The following TBCE variants were observed in gnomAD, a reference collection of about 807,000 sequenced individuals.
The protein encoded by TBCE is tubulin folding cofactor E, also known as tubulin-specific chaperone E.
A neutral mutation model predicts 77.0 loss-of-function variants in TBCE; 53 were observed. The observed-to-expected ratio is 0.69, with a 90% CI of 0.55 to 0.87. The LOEUF is 0.87. Among genes scored for constraint, TBCE ranks in the 40% least tolerant of loss-of-function variants. The probability of loss-of-function intolerance (pLI) is 0.00; values close to 1 mark genes in which losing one functional copy is unlikely to be tolerated. For synonymous variants in TBCE, 235 were observed against 241.3 expected (o/e 0.97, Z 0.24); for missense variants, 624 against 622.4 (o/e 1.00, Z -0.03).
chr1:235,426,707 G>A (rs916254263), intron 5 of TBCE, among the ~76,000 whole-genome samples: 2 of 152,110 alleles, frequency 1.3e-5, no homozygotes, highest in Non-Finnish European at 2.9e-5. Flanking sequence ...GTGCAGTGGC[G>A]CAGTCTCCAC....
At chr1:235,441,993 G>A in intron 14 of TBCE, 111 bp downstream of exon 14, 1 of 919,684 alleles carries the variant, frequency 1.1e-6, no homozygotes, top group Non-Finnish European at 1.7e-6. Flanking sequence ...TAAATGCCTT[G>A]AGTTTTAAAT....
intron 11 of TBCE, 148 bp from the exon 12 acceptor site, chr1:235,437,174 G>T: frequency 1.1e-6 from 1 of 879,868 alleles, no homozygotes; most frequent in South Asian, 1.5e-5. Context: ...AAAGTATGTG[G>T]TCTTTCTAGA....
chr1:235,433,389 T>C (rs1456140072), intron 7 of TBCE: 2 of 184,764 alleles, frequency 1.1e-5, no homozygotes, highest in East Asian at 1.3e-4. Context: ...CCTGGCTAAT[T>C]TTTTGTATTT....
rs1682706538 is a variant in TBCE, at chr1:235,449,008, AT to A, written c.*247del. ...TATTTCATATTTATTTTTACAGCTCATCACTGCATTTCATGATAAGATTTAA... is the reference window on the plus strand; with the variant it reads ...TATTTCATATTTATTTTTACAGCTCACACTGCATTTCATGATAAGATTTAA... On this transcript the variant is annotated 3_prime_UTR_variant, in exon 17 of 17. Coordinates refer to ENST00000642610, the MANE Select transcript of TBCE (RefSeq NM_003193.5). 1 of 407,476 alleles carries A rather than the reference AT, an allele frequency of 2.5e-6. No individual in the cohort carries two copies. The highest frequency in any genetic ancestry group is 5.6e-5 in the East Asian group (1 of 17,946). 25.2% of individuals were successfully genotyped at this position (407,476 alleles called of 1,614,324 possible).
intron 6 of TBCE, 97 bp from the exon 7 acceptor site, chr1:235,430,608 C>A: frequency 2.5e-6 from 2 of 797,670 alleles, no homozygotes; most frequent in South Asian, 1.6e-5. Flanking sequence ...ACAAATCAAA[C>A]CCCTTAGATT....
intron 1 of TBCE, among the ~76,000 whole-genome samples, chr1:235,378,922 A>G (rs1472753329): frequency 6.6e-6 from 1 of 152,202 alleles, no homozygotes; most frequent in African/African-American, 2.4e-5. Context: ...GAAATTAACC[A>G]TATTTGTGCT....
chr1:235,437,599 TC>T, intron 12 of TBCE, 125 bp downstream of exon 12: 2 of 1,149,424 alleles, frequency 1.7e-6, no homozygotes, highest in Non-Finnish European at 2.5e-6. Context: ...ATCGCTGCAG[TC>T]CAGGAGTTTG....
At position 235,447,948 on chromosome 1, in the gene TBCE, T is replaced by A. The variant is rs770312218; in HGVS notation, c.1400-401T>A. Among the ~76,000 whole-genome samples, 4 of 152,200 alleles carry A rather than the reference T, an allele frequency of 2.6e-5. No individual in the cohort carries two copies. The East Asian group carries it at 7.7e-4, about 29-fold the overall frequency. ...AAGATACAGCCAGGCGCTGGGCTCA[T>A]GCTTGTAATCCCAGCACTTTGGGGG... On this transcript the variant is annotated intron_variant, in intron 15 of 16. Coordinates refer to ENST00000642610, the MANE Select transcript of TBCE (RefSeq NM_003193.5).
intron 15 of TBCE, among the ~76,000 whole-genome samples, chr1:235,446,229 G>GC (rs1049870557): frequency 3.3e-5 from 5 of 151,970 alleles, no homozygotes; most frequent in African/African-American, 1.2e-4. Flanking sequence ...AGGCTAGAGT[G>GC]CAGTGGCATG....
At chr1:235,410,517 G>GCTT (rs1236888702) in intron 3 of TBCE, among the ~76,000 whole-genome samples, 1 of 152,148 alleles carries the variant, frequency 6.6e-6, no homozygotes, top group Non-Finnish European at 1.5e-5. Context: ...GTTTTAGCCA[G>GCTT]CTTCTTTACT....
rs182005535 is a variant in TBCE at position 235,435,406 on chromosome 1, G to A, written c.738-339G>A. On this transcript the variant is annotated intron_variant, in intron 8 of 16. Coordinates refer to ENST00000642610, the MANE Select transcript of TBCE (RefSeq NM_003193.5). ...GTGAGCCACCGTGCCTGGCCTGCAG[G>A]TTTTTTAAATTAAATTTTTTTATTT... Among the ~76,000 whole-genome samples, 343 of 152,156 alleles carry A rather than the reference G, an allele frequency of 2.3e-3. 2 individuals are homozygous for A. The highest frequency in any genetic ancestry group is 7.8e-3 in the African/African-American group (323 of 41,476).
intron 2 of TBCE, among the ~76,000 whole-genome samples, chr1:235,387,243 A>G (rs1417394930): frequency 6.6e-6 from 1 of 152,160 alleles, no homozygotes; most frequent in Non-Finnish European, 1.5e-5. Context: ...CTCAGGGGTC[A>G]GGGGTCAGGG....
chr1:235,390,941 A>G (rs1052148343), intron 2 of TBCE, among the ~76,000 whole-genome samples: 2 of 152,000 alleles, frequency 1.3e-5, no homozygotes, highest in Admixed American at 1.3e-4. Context: ...GGAAGCTATC[A>G]TGTAAAGGTT....
intron 8 of TBCE, among the ~76,000 whole-genome samples, chr1:235,434,746 C>T (rs576768373): frequency 3.9e-5 from 6 of 151,936 alleles, no homozygotes; most frequent in South Asian, 2.1e-4. Flanking sequence ...CCATCTTTTA[C>T]GGGGTTTCAC....
chr1:235,436,183 C>A, intron 9 of TBCE: 1 of 620,342 alleles, frequency 1.6e-6, no homozygotes, highest in Non-Finnish European at 2.8e-6. Flanking sequence ...TACTCAAGAA[C>A]CATTAGGTGA....
chr1:235,438,128 C>A (rs1361361522), intron 12 of TBCE, among the ~76,000 whole-genome samples: 1 of 152,374 alleles, frequency 6.6e-6, no homozygotes, highest in South Asian at 2.1e-4. Context: ...CTTGCCAGCA[C>A]TTTTGTGCAT....
chr1:235,421,999 A>G (rs1010398628), intron 5 of TBCE, among the ~76,000 whole-genome samples: 3 of 152,202 alleles, frequency 2.0e-5, no homozygotes, highest in Non-Finnish European at 4.4e-5. Flanking sequence ...GACCTGTGGT[A>G]GCTGCACAGG....
chr1:235,438,791 G>A lies in TBCE; in HGVS notation c.1139G>A (p.Arg380Lys), dbSNP rs1393991210. ...KCEILPEERR[R>K]AELDYRKAFG... is the part of the protein sequence containing the mutation. ...TAGATTCTCCCCGAGGAGAGGCGGA[G>A]AGCTGAGCTTGACTACCGAAAAGCT... Residue 380 changes from arginine to lysine, a missense_variant, in exon 13 of 17, where the codon AGA becomes AAA. Physicochemically the swap from Arg to Lys is conservative, Grantham distance 26. Coordinates refer to ENST00000642610, the MANE Select transcript of TBCE (RefSeq NM_003193.5). The A allele has an allele frequency of 1.9e-6, 3 of 1,614,028 alleles. No individual in the cohort carries two copies. The highest frequency in any genetic ancestry group is 2.7e-5 in the African/African-American group (2 of 74,902).
At chr1:235,435,185 C>A (rs1438470710) in intron 8 of TBCE, among the ~76,000 whole-genome samples, 1 of 151,946 alleles carries the variant, frequency 6.6e-6, no homozygotes, top group Non-Finnish European at 1.5e-5. Flanking sequence ...ACTGCAACCT[C>A]CACCTCCCTG....
Sources: gnomAD v4.1 joint callset for allele counts (sites outside exome capture counted in the v4.1 genomes callset) on GRCh38, gnomAD v4.1.1 for gene constraint, MANE v1.5 for transcripts, NCBI Gene and HGNC (gene_info 2026-07-23, HGNC 2026-07-21) for gene names.